FOXO3: variants seen among roughly 807,000 people sequenced by gnomAD.
FOXO3 encodes forkhead box protein O3.
FOXO3 carries 4 observed loss-of-function variants against 41.9 expected under a neutral mutation model. That is an observed-to-expected ratio of 0.10 (90% confidence interval 0.05 to 0.22). The LOEUF (loss-of-function observed/expected upper bound fraction) is 0.22. FOXO3 is among the 10% of genes least tolerant of loss of function. The pLI, the probability that FOXO3 is intolerant of heterozygous loss-of-function variation, is 1.00. For synonymous variants in FOXO3, 318 were observed against 389.3 expected (o/e 0.82, Z 2.16); for missense variants, 534 against 906.8 (o/e 0.59, Z 5.28).
intron 1 of FOXO3, among the ~76,000 whole-genome samples, chr6:108,650,242 A>G (rs1778510613): frequency 6.6e-6 from 1 of 152,120 alleles, no homozygotes; most frequent in Non-Finnish European, 1.5e-5. Context: ...TGAGCCCTGG[A>G]GCACAGGGAC....
chr6:108,643,866 G>C (rs1778325757), intron 1 of FOXO3, among the ~76,000 whole-genome samples: 1 of 152,172 alleles, frequency 6.6e-6, no homozygotes, highest in Admixed American at 6.5e-5. Flanking sequence ...GATTTTCATG[G>C]TTCATTAATG....
chr6:108,573,083 G>A (rs575749082), intron 1 of FOXO3, among the ~76,000 whole-genome samples: 13 of 151,920 alleles, frequency 8.6e-5, no homozygotes, highest in Non-Finnish European at 4.4e-5. Context: ...TCAGGAGATC[G>A]AGACCATCCT....
At chr6:108,597,212 C>T (rs1776910771) in intron 1 of FOXO3, among the ~76,000 whole-genome samples, 1 of 152,204 alleles carries the variant, frequency 6.6e-6, no homozygotes, top group African/African-American at 2.4e-5. Context: ...AAGTTGTTTC[C>T]ATGGCTAGAT....
chr6:108,594,241 A>G (rs1776811831), intron 1 of FOXO3, among the ~76,000 whole-genome samples: 2 of 152,220 alleles, frequency 1.3e-5, no homozygotes, highest in Admixed American at 1.3e-4. Flanking sequence ...GTTTTAACTG[A>G]AGTTTGTTTG....
At chr6:108,644,551 G>A (rs1778344081) in intron 1 of FOXO3, among the ~76,000 whole-genome samples, 1 of 152,016 alleles carries the variant, frequency 6.6e-6, no homozygotes, top group Non-Finnish European at 1.5e-5. Flanking sequence ...GGGCACGATC[G>A]CCACACTCCC....
At position 108,630,314 on chromosome 6, in the gene FOXO3, G is replaced by A. The variant is rs115556293; in HGVS notation, c.622-33141G>A. On this transcript the variant is annotated intron_variant, in intron 1 of 2. Coordinates refer to ENST00000406360, the MANE Select transcript of FOXO3 (RefSeq NM_001455.4). ...GGGAAGAAGGCAGAATGTTGAAAAT[G>A]GGGAATAAGGAGCAATCTTGAGAGG... Among the ~76,000 whole-genome samples, 302 of 152,234 alleles carry A rather than the reference G, an allele frequency of 2.0e-3. 1 individual carries two copies. Among genetic ancestry groups the A allele is most frequent in the African/African-American group, 6.9e-3 (286 of 41,554 alleles).
intron 1 of FOXO3, among the ~76,000 whole-genome samples, chr6:108,657,848 T>C (rs979550960): frequency 8.5e-5 from 13 of 152,224 alleles, no homozygotes; most frequent in African/African-American, 3.1e-4. Flanking sequence ...TATTTACCTT[T>C]CCTGCTTTAC....
At chr6:108,601,775 A>T (rs1777063151) in intron 1 of FOXO3, among the ~76,000 whole-genome samples, 1 of 152,156 alleles carries the variant, frequency 6.6e-6, no homozygotes, top group African/African-American at 2.4e-5. Context: ...GACTTTTTCC[A>T]TTAAGCCTGA....
Position 108,561,034 on chromosome 6 carries a change from C to T in FOXO3, c.-175C>T. 2.1e-5 allele frequency: 29 copies of T among 1,388,868 alleles called. No individual in the cohort carries two copies. The highest frequency in any genetic ancestry group is 2.5e-5 in the Non-Finnish European group (27 of 1,084,298). The allele number at this position is 1,388,868 out of a possible 1,614,324, so 86.0% of individuals were successfully genotyped here. On this transcript the variant is annotated 5_prime_UTR_variant, in exon 1 of 3. Coordinates refer to ENST00000406360, the MANE Select transcript of FOXO3 (RefSeq NM_001455.4). ...GGGCGAGGACTCGCCGAGGACGGGG[C>T]TCCGGCCCGGGATAACCAACTCTCC...
At chr6:108,566,302 G>A (rs1775945363) in intron 1 of FOXO3, among the ~76,000 whole-genome samples, 1 of 152,136 alleles carries the variant, frequency 6.6e-6, no homozygotes, top group African/African-American at 2.4e-5. Context: ...GATTTTAGGA[G>A]TGTTCTATTT....
At chr6:108,616,144 C>T (rs963752588) in intron 1 of FOXO3, among the ~76,000 whole-genome samples, 5 of 146,352 alleles carry the variant, frequency 3.4e-5, no homozygotes, top group Admixed American at 6.9e-5. Flanking sequence ...TGTGCCATCA[C>T]GCCCAACTAA....
At chr6:108,596,956 T>A (rs920224951) in intron 1 of FOXO3, among the ~76,000 whole-genome samples, 9 of 152,190 alleles carry the variant, frequency 5.9e-5, no homozygotes, top group Non-Finnish European at 1.0e-4. Flanking sequence ...AATAAACTGT[T>A]GGACTAAATA....
At position 108,663,404 on chromosome 6, in the gene FOXO3, C is replaced by T. The variant is rs747055624; in HGVS notation, c.622-51C>T. 1.4e-5 allele frequency: 22 copies of T among 1,526,234 alleles called. No homozygotes were observed. The East Asian group carries it at 1.6e-4, about 11-fold the overall frequency. The allele number at this position is 1,526,234 out of a possible 1,614,324, so 94.5% of individuals were successfully genotyped here. ...TGATTTACTATATCATCTGGGTGCT[C>T]GGTTTTGGACCATTCTGGTTCATAC... On this transcript the variant is annotated intron_variant, in intron 1 of 2. Coordinates refer to ENST00000406360, the MANE Select transcript of FOXO3 (RefSeq NM_001455.4).
intron 1 of FOXO3, among the ~76,000 whole-genome samples, chr6:108,653,553 A>C (rs1778605456): frequency 6.6e-6 from 1 of 152,090 alleles, no homozygotes; most frequent in South Asian, 2.1e-4. Flanking sequence ...AGGGTCTGCG[A>C]CTGTGAAGTT....
chr6:108,675,082 A>G (rs1770530858), intron 2 of FOXO3, among the ~76,000 whole-genome samples: 1 of 152,180 alleles, frequency 6.6e-6, no homozygotes, highest in Non-Finnish European at 1.5e-5. Context: ...CCCTGCCTCA[A>G]CATAAAGTCA....
At position 108,624,936 on chromosome 6, in the gene FOXO3, T is replaced by TTTTTG. The variant is rs549361745; in HGVS notation, c.622-38499_622-38495dup. Among the ~76,000 whole-genome samples, 415 of 152,066 alleles carry TTTTTG rather than the reference T, an allele frequency of 2.7e-3. 1 individual carries two copies. Among genetic ancestry groups the TTTTTG allele is most frequent in the Non-Finnish European group, 4.7e-3 (318 of 67,980 alleles). ...AGATACAAGCCACCACGCTCAGTGT[T>TTTTTG]TTTTGTTTTGTTTTGTTTTGTTTTT... is the stretch of plus-strand genomic sequence containing the variant. On this transcript the variant is annotated intron_variant, in intron 1 of 2. Transcript: ENST00000406360.
intron 1 of FOXO3, among the ~76,000 whole-genome samples, chr6:108,646,023 G>A (rs946788321): frequency 6.6e-6 from 1 of 152,112 alleles, no homozygotes; most frequent in Non-Finnish European, 1.5e-5. Context: ...GAAGTCTAGG[G>A]CTTGTGTGGC....
At chr6:108,616,614 A>G (rs951826865) in intron 1 of FOXO3, among the ~76,000 whole-genome samples, 5 of 152,178 alleles carry the variant, frequency 3.3e-5, no homozygotes, top group African/African-American at 9.7e-5. Flanking sequence ...TAACTTTTTA[A>G]CAGCTTTGTT....
At chr6:108,562,184 G>A (rs941363260) in intron 1 of FOXO3, among the ~76,000 whole-genome samples, 7 of 152,256 alleles carry the variant, frequency 4.6e-5, no homozygotes, top group Admixed American at 3.9e-4. Context: ...TTACCGTAGT[G>A]GGGGTCTGGT....
Sources: gnomAD v4.1 joint callset for allele counts (sites outside exome capture counted in the v4.1 genomes callset) on GRCh38, gnomAD v4.1.1 for gene constraint, MANE v1.5 for transcripts, NCBI Gene and HGNC (gene_info 2026-07-23, HGNC 2026-07-21) for gene names.